The following SOBP variants were observed in gnomAD, a reference collection of about 807,000 sequenced individuals.
SOBP encodes the protein sine oculis binding protein homolog, also known as sine oculis-binding protein homolog.
Under a neutral mutation model 53.6 loss-of-function variants are expected in SOBP, and 4 were observed. The observed-to-expected ratio is 0.07, with a 90% CI of 0.04 to 0.17. The LOEUF (loss-of-function observed/expected upper bound fraction) is 0.17. SOBP is among the 10% of genes least tolerant of loss of function. The pLI, the probability that SOBP is intolerant of heterozygous loss-of-function variation, is 1.00. For synonymous variants in SOBP, 584 were observed against 522.6 expected (o/e 1.12, Z -1.60); for missense variants, 1,088 against 1,204.7 (o/e 0.90, Z 1.43).
intron 5 of SOBP, among the ~76,000 whole-genome samples, chr6:107,595,350 C>CTTTTTTTTTTT (rs745477007): frequency 3.4e-5 from 3 of 88,138 alleles, no homozygotes; most frequent in African/African-American, 9.6e-5. Flanking sequence ...GATTTTGATC[C>CTTTTTTTTTTT]TTTTTTTTTT....
chr6:107,611,041 G>T (rs115191407), intron 5 of SOBP, among the ~76,000 whole-genome samples: 2,492 of 152,368 alleles, frequency 0.016, 67 homozygotes, highest in African/African-American at 0.057. Context: ...AAACCCAGAA[G>T]ACTTGCTGTC....
intron 6 of SOBP, among the ~76,000 whole-genome samples, chr6:107,644,147 A>G (rs544854196): frequency 1.3e-5 from 2 of 152,188 alleles, no homozygotes; most frequent in African/African-American, 4.8e-5. Context: ...TACTAAAAAT[A>G]TAAAAAATTA....
chr6:107,613,939 A>G (rs1381821735), intron 5 of SOBP, among the ~76,000 whole-genome samples: 1 of 152,242 alleles, frequency 6.6e-6, no homozygotes, highest in African/African-American at 2.4e-5. Flanking sequence ...GGCCTTTTCA[A>G]CAATCACAAA....
At position 107,634,789 on chromosome 6, in the gene SOBP, C is replaced by G; in HGVS notation, c.1945C>G (p.Pro649Ala). Residue 649 changes from proline (P) to alanine (A), a missense_variant, in exon 6 of 7, where the codon CCG (proline) becomes GCG (alanine). This residue lies in a region of SOBP where 665 missense variants were observed against 629.7 expected (regional missense o/e 1.06). Transcript: ENST00000317357. This position sits in a 1 kb window ranked among gnomAD's most constrained non-coding sequence, Gnocchi z 4.5. ...CGGCTTCCCAGGCGTGCTGCAGGGC[C>G]CGCAGGACGGCGTCATCGACCTGAC... ...QLGFPGVLQGPQDGVIDLTVG... is the reference protein window; with the variant it reads ...QLGFPGVLQGAQDGVIDLTVG... 1 of 1,398,670 alleles carries G rather than the reference C, an allele frequency of 7.1e-7. No homozygotes were observed. 86.6% of individuals were successfully genotyped at this position (1,398,670 alleles called of 1,614,324 possible). A position where few individuals can be genotyped will look rare whatever the true frequency, so the allele number is the denominator to read the frequency against.
intron 1 of SOBP, 129 bp from the exon 2 acceptor site, chr6:107,503,528 A>G (rs878910532): frequency 3.1e-6 from 3 of 960,982 alleles, no homozygotes; most frequent in South Asian, 1.3e-5. Context: ...TGAAAAATGA[A>G]CACCACACTA....
chr6:107,610,331 A>G (rs997745655), intron 5 of SOBP, among the ~76,000 whole-genome samples: 1 of 152,096 alleles, frequency 6.6e-6, no homozygotes, highest in Non-Finnish European at 1.5e-5. Flanking sequence ...CTCCTGTAAG[A>G]CGTTTCATGG....
intron 3 of SOBP, among the ~76,000 whole-genome samples, chr6:107,526,443 C>G (rs1361168221): frequency 6.6e-6 from 1 of 152,144 alleles, no homozygotes; most frequent in Admixed American, 6.6e-5. Context: ...TTGCCCATTT[C>G]AAGCCTGTCT....
At chr6:107,652,076 A>G (rs1446351397) in intron 6 of SOBP, among the ~76,000 whole-genome samples, 1 of 152,234 alleles carries the variant, frequency 6.6e-6, no homozygotes, top group African/African-American at 2.4e-5. Flanking sequence ...CACAACATTC[A>G]TTCTGCAGCC....
At chr6:107,512,970 A>G (rs1554289726) in intron 3 of SOBP, among the ~76,000 whole-genome samples, 2 of 152,226 alleles carry the variant, frequency 1.3e-5, no homozygotes, top group Non-Finnish European at 2.9e-5. Context: ...GAAATGTGAA[A>G]AAAAGAGGGA....
intron 4 of SOBP, among the ~76,000 whole-genome samples, chr6:107,563,882 G>T (rs763447583): frequency 1.8e-4 from 28 of 152,154 alleles, no homozygotes; most frequent in Non-Finnish European, 3.5e-4. Context: ...ACCAGCTACT[G>T]GGAGGAGCCA....
chr6:107,624,393 CT>C (rs1359625134), intron 5 of SOBP, among the ~76,000 whole-genome samples: 1 of 152,170 alleles, frequency 6.6e-6, no homozygotes, highest in East Asian at 1.9e-4. Flanking sequence ...AACTTGTGCC[CT>C]GGGAACTGGG....
intron 4 of SOBP, among the ~76,000 whole-genome samples, chr6:107,546,006 A>G (rs985467611): frequency 6.6e-6 from 1 of 152,240 alleles, no homozygotes; most frequent in African/African-American, 2.4e-5. Context: ...TGGCGTGATT[A>G]AGCAGACAAG....
chr6:107,581,441 A>C (rs1785399786), intron 4 of SOBP, among the ~76,000 whole-genome samples: 1 of 152,196 alleles, frequency 6.6e-6, no homozygotes, highest in Non-Finnish European at 1.5e-5. Context: ...CAGTAACTCC[A>C]GGGGAGGCAG....
chr6:107,555,293 G>A (rs1420070880), intron 4 of SOBP, among the ~76,000 whole-genome samples: 2 of 152,028 alleles, frequency 1.3e-5, no homozygotes, highest in African/African-American at 4.8e-5. Flanking sequence ...TAGCTTCTGG[G>A]GTGGCATATT....
At chr6:107,595,355 T>TTTTTG (rs1785909894) in intron 5 of SOBP, among the ~76,000 whole-genome samples, 1 of 149,802 alleles carries the variant, frequency 6.7e-6, no homozygotes, top group East Asian at 1.9e-4. Context: ...TGATCCTTTT[T>TTTTTG]TTTTTTTTTT....
intron 1 of SOBP, among the ~76,000 whole-genome samples, chr6:107,493,285 G>A (rs1285440170): frequency 6.6e-6 from 1 of 152,082 alleles, no homozygotes; most frequent in Admixed American, 6.6e-5. Flanking sequence ...ATCTGGACCA[G>A]TGTAAACTAA....
At chr6:107,545,068 A>T (rs1784258102) in intron 4 of SOBP, among the ~76,000 whole-genome samples, 1 of 152,238 alleles carries the variant, frequency 6.6e-6, no homozygotes, top group South Asian at 2.1e-4. Flanking sequence ...TAGAAAAGCA[A>T]CAATGACAGC....
chr6:107,499,646 T>C (rs1173890303), intron 1 of SOBP, among the ~76,000 whole-genome samples: 1 of 152,214 alleles, frequency 6.6e-6, no homozygotes, highest in Non-Finnish European at 1.5e-5. Context: ...ATGATCACTG[T>C]AATTATGAAA....
At chr6:107,495,249 T>C (rs965416603) in intron 1 of SOBP, among the ~76,000 whole-genome samples, 3 of 152,178 alleles carry the variant, frequency 2.0e-5, no homozygotes, top group African/African-American at 7.2e-5. Context: ...GGAGCAGGTA[T>C]AAGATGTTCC....
Sources: gnomAD v4.1 joint callset for allele counts (sites outside exome capture counted in the v4.1 genomes callset) on GRCh38, gnomAD v4.1.1 for gene constraint, gnomAD v4.1.1 regional missense constraint, Gnocchi (gnomAD v3.1) non-coding constraint, MANE v1.5 for transcripts, NCBI Gene and HGNC (gene_info 2026-07-23, HGNC 2026-07-21) for gene names.